The following NEFM variants were observed in gnomAD, a reference collection of about 807,000 sequenced individuals.
NEFM encodes the protein neurofilament medium chain.
In NEFM, 16 loss-of-function variants were observed where a neutral mutation model predicts 48.1. The observed-to-expected ratio is 0.33, with a 90% CI of 0.23 to 0.51. NEFM has a LOEUF of 0.51. Ranked by LOEUF, NEFM falls within the 20% of genes least tolerant of loss-of-function variation. NEFM has a pLI of 0.98. For synonymous variants in NEFM, 465 were observed against 456.9 expected, an observed-to-expected ratio of 1.02 and a Z score of -0.23; for missense variants, 1,107 against 1,136.0, an observed-to-expected ratio of 0.97 and a Z score of 0.37.
Position 24,914,101 on chromosome 8 carries a change from A to G in NEFM, c.308A>G (p.Glu103Gly). ...DYKLSRSNEK[E>G]QLQGLNDRFA... ...AAGCTGTCCCGCTCCAACGAGAAGGAGCAGCTGCAGGGGCTGAACGACCGC... is the reference window on the plus strand; with the variant it reads ...AAGCTGTCCCGCTCCAACGAGAAGGGGCAGCTGCAGGGGCTGAACGACCGC... Residue 103 changes from glutamate to glycine, a missense_variant, in exon 1 of 3, where the codon GAG becomes GGG. Transcript: ENST00000221166. The G allele has an allele frequency of 6.2e-7, 1 of 1,613,070 alleles. No individual in the cohort carries two copies. Among genetic ancestry groups the G allele is most frequent in the Non-Finnish European group, 8.5e-7 (1 of 1,179,962 alleles).
chr8:24,916,738 T>G (rs1350365235), intron 2 of NEFM, among the ~76,000 whole-genome samples: 1 of 152,134 alleles, frequency 6.6e-6, no homozygotes, highest in Non-Finnish European at 1.5e-5. Context: ...ACTAACAAGT[T>G]TTTCAGCATA....
Position 24,919,027 on chromosome 8 carries a change from A to G in NEFM, c.*421A>G. The G allele has an allele frequency of 4.6e-6, 1 of 217,044 alleles. No homozygotes were observed. Among genetic ancestry groups the G allele is most frequent in the Non-Finnish European group, 9.3e-6 (1 of 107,498 alleles). The allele number at this position is 217,044 out of a possible 1,614,324, so 13.4% of individuals were successfully genotyped here. ...ACCTCGTTGACATGCACAGTTTGCA[A>G]TCTTATGTTGATCGATGTTAAACGT... On this transcript the variant is annotated 3_prime_UTR_variant, in exon 3 of 3. Coordinates refer to ENST00000221166, the MANE Select transcript of NEFM (RefSeq NM_005382.2).
intron 2 of NEFM, 27 bp downstream of exon 2, chr8:24,915,756 G>C (rs565997828): frequency 1.2e-6 from 2 of 1,613,752 alleles, no homozygotes; most frequent in Middle Eastern, 1.7e-4. Context: ...GTGCGTGGCC[G>C]GAACACTAAC....
Position 24,918,282 on chromosome 8 carries a change from AGAG to A in NEFM, c.2432_2434del (p.Glu811del), listed in dbSNP as rs754269625. The A allele has an allele frequency of 1.7e-5, 28 of 1,606,460 alleles. No homozygotes were observed. Among genetic ancestry groups the A allele is most frequent in the Non-Finnish European group, 2.3e-5 (27 of 1,176,036 alleles). On this transcript the variant is annotated inframe_deletion, in exon 3 of 3. Coordinates refer to ENST00000221166, the MANE Select transcript of NEFM (RefSeq NM_005382.2). ...CTGTCAATGGGGAGGTAGAAGGAAAAGAGGAGGTAGAGCAGGAGACCAAGGAAA... is the reference window on the plus strand; with the variant it reads ...CTGTCAATGGGGAGGTAGAAGGAAAAGAGGTAGAGCAGGAGACCAAGGAAA...
chr8:24,916,841 G>A (rs1231471901), intron 2 of NEFM, among the ~76,000 whole-genome samples: 3 of 152,150 alleles, frequency 2.0e-5, no homozygotes, highest in African/African-American at 7.2e-5. Flanking sequence ...GTCATTGTAG[G>A]GGGCAACTGT....
At chr8:24,915,465 G>A (rs533115485) in intron 1 of NEFM, 140 bp from the exon 2 acceptor site, 8 of 1,326,734 alleles carry the variant, frequency 6.0e-6, no homozygotes, top group African/African-American at 5.8e-5. Flanking sequence ...GGGACGGGGG[G>A]CTGGGAGTCA....
chr8:24,914,658 G>C lies in NEFM; in HGVS notation c.865G>C (p.Glu289Gln). The change falls in exon 1 of 3, where the codon GAA (glutamate) becomes CAA (glutamine). Residue 289 changes from glutamate to glutamine, a missense_variant. Around this residue, in one of 3 missense-constraint regions of NEFM, gnomAD observed 917 missense variants for 916.4 expected, o/e 1.00. Transcript: ENST00000221166. The part of the protein sequence containing the change: ...SHSDQNMHQA[E>Q]EWFKCRYAKL... ...CTCAGACCAGAATATGCACCAGGCC[G>C]AAGAGTGGTTCAAATGCCGCTACGC... 6.2e-7 allele frequency: 1 copy of C among 1,614,204 alleles called. No individual in the cohort carries two copies. Among genetic ancestry groups the C allele is most frequent in the Non-Finnish European group, 8.5e-7 (1 of 1,180,042 alleles).
intron 2 of NEFM, among the ~76,000 whole-genome samples, chr8:24,916,637 T>C (rs973457822): frequency 2.0e-5 from 3 of 152,236 alleles, no homozygotes; most frequent in African/African-American, 4.8e-5. Context: ...GTGACTACTC[T>C]CAGAAAGGCT....
At position 24,913,830 on chromosome 8, in the gene NEFM, G is replaced by A. The variant is rs774587545; in HGVS notation, c.37G>A (p.Ala13Thr). ...YTLDSLGNPS[A>T]YRRVTETRSS... ...GTTGGACTCGCTGGGCAACCCGTCC[G>A]CCTACCGGCGGGTAACCGAGACCCG... The change falls in exon 1 of 3, where the codon GCC becomes ACC. Residue 13 changes from alanine to threonine, a missense_variant. This residue lies in a region of NEFM where 186 missense variants were observed against 200.6 expected (regional missense o/e 0.93). Coordinates refer to ENST00000221166, the MANE Select transcript of NEFM (RefSeq NM_005382.2). 4 of 1,610,702 alleles carry A rather than the reference G, an allele frequency of 2.5e-6. No individual in the cohort carries two copies. The highest frequency in any genetic ancestry group is 3.4e-6 in the Non-Finnish European group (4 of 1,179,100).
At position 24,919,009 on chromosome 8, in the gene NEFM, T is replaced by C. The variant is rs1044819156; in HGVS notation, c.*403T>C. ...ACTTTTGTTCATGGGAGAACCTCGT[T>C]GACATGCACAGTTTGCAATCTTATG... is the stretch of plus-strand genomic sequence containing the variant. On this transcript the variant is annotated 3_prime_UTR_variant, in exon 3 of 3. Coordinates refer to ENST00000221166, the MANE Select transcript of NEFM (RefSeq NM_005382.2). 20 of 246,610 alleles carry C rather than the reference T, an allele frequency of 8.1e-5. No homozygotes were observed. Among genetic ancestry groups the C allele is most frequent in the Middle Eastern group, 1.4e-3 (1 of 704 alleles). The allele number at this position is 246,610 out of a possible 1,614,324, so 15.3% of individuals were successfully genotyped here.
Position 24,917,503 on chromosome 8 carries a change from GA to G in NEFM, c.1649del (p.Glu550GlyfsTer169). The G allele has an allele frequency of 6.4e-7, 1 of 1,555,298 alleles. No individual in the cohort carries two copies. Among genetic ancestry groups the G allele is most frequent in the Non-Finnish European group, 8.7e-7 (1 of 1,148,944 alleles). ...GGGAGCTAAGTCAGACCAAGCCGAAGAGGGAGGATCCGAGAAGGAAGGCTCT... is the reference window on the plus strand; with the variant it reads ...GGGAGCTAAGTCAGACCAAGCCGAAGGGGAGGATCCGAGAAGGAAGGCTCT... ...DEGAKSDQAE[E>X]GGSEKEGSSE... On this transcript the variant is annotated frameshift_variant, in exon 3 of 3. Coordinates refer to ENST00000221166, the MANE Select transcript of NEFM (RefSeq NM_005382.2). LOFTEE classifies it low-confidence loss of function (END_TRUNC).
chr8:24,918,026 A>C lies in NEFM; in HGVS notation c.2171A>C (p.Lys724Thr). 1 of 1,571,262 alleles carries C rather than the reference A, an allele frequency of 6.4e-7. No homozygotes were observed. The highest frequency in any genetic ancestry group is 1.7e-4 in the Middle Eastern group (1 of 6,020). The change falls in exon 3 of 3, where the codon AAA becomes ACA. Residue 724 changes from lysine to threonine, a missense_variant. Physicochemically the swap from Lys to Thr is moderately conservative, Grantham distance 78. This residue lies in a region of NEFM where 917 missense variants were observed against 916.4 expected (regional missense o/e 1.00). Coordinates refer to ENST00000221166, the MANE Select transcript of NEFM (RefSeq NM_005382.2). ...GAGAAGGTAGAGAAAAAGGAAGAGA[A>C]ACCAAAGGATGTGCCAGAGAAGAAG... ...KEEKVEKKEE[K>T]PKDVPEKKKA...
chr8:24,914,928 C>G, intron 1 of NEFM, 55 bp downstream of exon 1: 2 of 1,536,126 alleles, frequency 1.3e-6, no homozygotes, highest in Admixed American at 2.0e-5. Flanking sequence ...CGCGCGCCCC[C>G]GACACTTGGG....
chr8:24,918,061 T>C lies in NEFM; in HGVS notation c.2206T>C (p.Ser736Pro). 6.4e-6 allele frequency: 10 copies of C among 1,552,824 alleles called. No homozygotes were observed. The highest frequency in any genetic ancestry group is 8.7e-6 in the Non-Finnish European group (10 of 1,147,880). The change falls in exon 3 of 3, where the codon TCC becomes CCC. Residue 736 changes from serine (S) to proline (P), a missense_variant. By Grantham distance (74) the Ser-to-Pro change is moderately conservative. This residue lies in a region of NEFM where 917 missense variants were observed against 916.4 expected (regional missense o/e 1.00). Transcript: ENST00000221166. ...KDVPEKKKAE[S>P]PVKEEAVAEV... ...TGTGCCAGAGAAGAAGAAAGCTGAG[T>C]CCCCTGTAAAGGAGGAAGCTGTGGC... is the stretch of plus-strand genomic sequence containing the variant.
chr8:24,914,310 C>G lies in NEFM; in HGVS notation c.517C>G (p.Leu173Val). ...MVNHEKAQVQ[L>V]DSDHLEEDIH... ...GAACCACGAGAAGGCTCAGGTGCAG[C>G]TGGACTCGGACCACCTGGAGGAAGA... The change falls in exon 1 of 3, where the codon CTG becomes GTG. Residue 173 changes from leucine (L) to valine (V), a missense_variant. By Grantham distance (32) the Leu-to-Val change is conservative (BLOSUM62 1). Coordinates refer to ENST00000221166, the MANE Select transcript of NEFM (RefSeq NM_005382.2). The G allele has an allele frequency of 6.2e-7, 1 of 1,613,462 alleles. No individual in the cohort carries two copies. The highest frequency in any genetic ancestry group is 1.7e-5 in the Admixed American group (1 of 59,980).
intron 2 of NEFM, 39 bp from the exon 3 acceptor site, chr8:24,917,022 A>C (rs766907206): frequency 1.3e-6 from 2 of 1,591,988 alleles, no homozygotes; most frequent in South Asian, 2.2e-5. Flanking sequence ...GCCTAGTGAA[A>C]TTTTTACTAT....
At chr8:24,915,495 GA>G (rs759490006) in intron 1 of NEFM, 109 bp from the exon 2 acceptor site, 75 of 1,540,496 alleles carry the variant, frequency 4.9e-5, no homozygotes, top group Non-Finnish European at 6.5e-5. Flanking sequence ...GAGGTTTGCA[GA>G]AGTGGAGGGA....
chr8:24,913,800 T>C lies in NEFM; in HGVS notation c.7T>C (p.Tyr3His). The C allele has an allele frequency of 6.2e-7, 1 of 1,608,300 alleles. No homozygotes were observed. Among genetic ancestry groups the C allele is most frequent in the Non-Finnish European group, 8.5e-7 (1 of 1,178,046 alleles). Residue 3 changes from tyrosine to histidine, a missense_variant, in exon 1 of 3, where the codon TAC becomes CAC. This residue lies in a region of NEFM where 186 missense variants were observed against 200.6 expected (regional missense o/e 0.93). Transcript: ENST00000221166. MS[Y>H]TLDSLGNPSA... Reference sequence around the variant, plus strand: ...ACGCCCCAAGGCCTCCAAGATGAGCTACACGTTGGACTCGCTGGGCAACCC... The same window carrying C: ...ACGCCCCAAGGCCTCCAAGATGAGCCACACGTTGGACTCGCTGGGCAACCC...
At position 24,917,869 on chromosome 8, in the gene NEFM, T is replaced by C; in HGVS notation, c.2014T>C (p.Ser672Pro). The change falls in exon 3 of 3, where the codon TCA (serine) becomes CCA (proline). Residue 672 changes from serine (S) to proline (P), a missense_variant. Physicochemically the swap from Ser to Pro is moderately conservative, Grantham distance 74. This residue lies in a region of NEFM where 917 missense variants were observed against 916.4 expected (regional missense o/e 1.00). Transcript: ENST00000221166. ...GAAAGGCAAGTCTCCTGTGTCAAAA[T>C]CACCAGTGGAAGAGAAAGCCAAATC... ...EEKGKSPVSK[S>P]PVEEKAKSPV... is the part of the protein sequence containing the mutation. 1 of 1,613,544 alleles carries C rather than the reference T, an allele frequency of 6.2e-7. No individual in the cohort carries two copies. The highest frequency in any genetic ancestry group is 8.5e-7 in the Non-Finnish European group (1 of 1,179,932).
Sources: gnomAD v4.1 joint callset for allele counts (sites outside exome capture counted in the v4.1 genomes callset) on GRCh38, gnomAD v4.1.1 for gene constraint, gnomAD v4.1.1 regional missense constraint, MANE v1.5 for transcripts, NCBI Gene and HGNC (gene_info 2026-07-23, HGNC 2026-07-21) for gene names.